The following FLT1 variants were observed in gnomAD, a reference collection of about 807,000 sequenced individuals.
FLT1 encodes fms related receptor tyrosine kinase 1.
A neutral mutation model predicts 156.3 loss-of-function variants in FLT1; 49 were observed. That is an observed-to-expected ratio of 0.31 (90% CI 0.25 to 0.40). The LOEUF (loss-of-function observed/expected upper bound fraction) is 0.40. Among genes scored for constraint, FLT1 ranks in the 10% least tolerant of loss-of-function variants. The pLI is 1.00. For synonymous variants in FLT1, 594 were observed against 583.8 expected, an observed-to-expected ratio of 1.02 and a Z score of -0.25; for missense variants, 1,322 against 1,637.2, an observed-to-expected ratio of 0.81 and a Z score of 3.32.
At chr13:28,494,530 C>T (rs1032352072) in intron 1 of FLT1, among the ~76,000 whole-genome samples, 14 of 152,190 alleles carry the variant, frequency 9.2e-5, no homozygotes, top group Admixed American at 5.9e-4. Flanking sequence ...ACAGCCCCAG[C>T]GCGGACCCGG....
intron 1 of FLT1, among the ~76,000 whole-genome samples, chr13:28,472,707 C>T (rs1566049223): frequency 6.6e-6 from 1 of 152,116 alleles, no homozygotes; most frequent in Non-Finnish European, 1.5e-5. Flanking sequence ...TCATTAATCT[C>T]CCTAGCTCTG....
At chr13:28,306,502 C>T (rs1354851302) in intron 29 of FLT1, among the ~76,000 whole-genome samples, 176 bp downstream of exon 29, 2 of 152,196 alleles carry the variant, frequency 1.3e-5, no homozygotes, top group East Asian at 1.9e-4. Context: ...TCATATGTCC[C>T]GTTTGATGTT....
intron 13 of FLT1, chr13:28,388,669 T>TA: frequency 9.5e-7 from 1 of 1,056,006 alleles, no homozygotes. Flanking sequence ...TTAATCCCCA[T>TA]AAAAATCCTA....
intron 3 of FLT1, among the ~76,000 whole-genome samples, chr13:28,460,841 C>T (rs1489546480): frequency 2.6e-5 from 4 of 151,456 alleles, no homozygotes; most frequent in Non-Finnish European, 4.4e-5. Context: ...CACGTATGTA[C>T]TTTACATTTA....
intron 1 of FLT1, among the ~76,000 whole-genome samples, chr13:28,484,492 C>G (rs1207472849): frequency 6.6e-6 from 1 of 152,150 alleles, no homozygotes; most frequent in Non-Finnish European, 1.5e-5. Context: ...CCTTTTCTGA[C>G]TAAGTTTTTT....
At position 28,302,135 on chromosome 13, in the gene FLT1, ACTC is replaced by A. The variant is rs56791288; in HGVS notation, c.*1029_*1031del. On this transcript the variant is annotated 3_prime_UTR_variant, in exon 30 of 30. Transcript: ENST00000282397. ...CAGCCCTCGTTTTGATATGGAGAAA[ACTC>A]CTCTCCTCAGGACTGCATTTTCATT... 0.17 allele frequency: 40,208 copies of A among 231,986 alleles called. 5,082 individuals are homozygous for A. Among genetic ancestry groups the A allele is most frequent in the African/African-American group, 0.38 (17,049 of 45,004 alleles). 14.4% of individuals were successfully genotyped at this position (231,986 alleles called of 1,614,324 possible).
At chr13:28,391,350 C>T (rs931671416) in intron 12 of FLT1, among the ~76,000 whole-genome samples, 1 of 152,134 alleles carries the variant, frequency 6.6e-6, no homozygotes, top group Non-Finnish European at 1.5e-5. Context: ...ACAAACCTGC[C>T]TCCCATTCTC....
chr13:28,376,811 G>A (rs61763251), intron 14 of FLT1, among the ~76,000 whole-genome samples: 1 of 152,324 alleles, frequency 6.6e-6, no homozygotes, highest in African/African-American at 2.4e-5. Context: ...ATTTTGGAGA[G>A]CTGCCAGTCC....
chr13:28,448,949 TA>T, intron 3 of FLT1, among the ~76,000 whole-genome samples: 1 of 152,210 alleles, frequency 6.6e-6, no homozygotes, highest in Non-Finnish European at 1.5e-5. Context: ...TCACAAAAAA[TA>T]AAATTTTCCC....
intron 12 of FLT1, among the ~76,000 whole-genome samples, chr13:28,396,254 A>G (rs1165334043): frequency 1.3e-5 from 2 of 152,212 alleles, no homozygotes; most frequent in Non-Finnish European, 2.9e-5. Flanking sequence ...CCGGGCAGTG[A>G]GAAGTTTCCA....
chr13:28,470,836 G>A (rs191651520), intron 1 of FLT1, among the ~76,000 whole-genome samples: 23 of 152,174 alleles, frequency 1.5e-4, no homozygotes, highest in African/African-American at 3.6e-4. Context: ...GATTACAGGC[G>A]CCTGCCACCA....
At chr13:28,304,683 T>G (rs1032661489) in intron 29 of FLT1, among the ~76,000 whole-genome samples, 1 of 152,174 alleles carries the variant, frequency 6.6e-6, no homozygotes, top group Non-Finnish European at 1.5e-5. Context: ...GTTAGCAGTC[T>G]TTCTTCCTCA....
At position 28,404,786 on chromosome 13, in the gene FLT1, G is replaced by A. The variant is rs77330370; in HGVS notation, c.1551+994C>T. Reference sequence around the variant, plus strand: ...TGTAATCTCAGCACTTTGGGAGGCCGAGGCAGGTGGATCACCTGAGGTCAG... The same window carrying A: ...TGTAATCTCAGCACTTTGGGAGGCCAAGGCAGGTGGATCACCTGAGGTCAG... On this transcript the variant is annotated intron_variant, in intron 11 of 29. Transcript: ENST00000282397. Among the ~76,000 whole-genome samples, 209 of 152,208 alleles carry A rather than the reference G, an allele frequency of 1.4e-3. 2 individuals are homozygous for A. In the East Asian group the frequency reaches 0.035, roughly 26 times the overall value.
chr13:28,335,876 T>C (rs1872099532), intron 17 of FLT1, among the ~76,000 whole-genome samples: 1 of 152,266 alleles, frequency 6.6e-6, no homozygotes, highest in Non-Finnish European at 1.5e-5. Flanking sequence ...CAGTGGATCC[T>C]GAAAGTGCTA....
chr13:28,402,825 T>C (rs761063053), intron 11 of FLT1, among the ~76,000 whole-genome samples: 29 of 152,208 alleles, frequency 1.9e-4, no homozygotes, highest in Non-Finnish European at 5.9e-5. Flanking sequence ...AGTCTCACTC[T>C]GTCACCCAGG....
At chr13:28,330,456 G>C (rs1388549067) in intron 18 of FLT1, among the ~76,000 whole-genome samples, 1 of 151,746 alleles carries the variant, frequency 6.6e-6, no homozygotes, top group African/African-American at 2.4e-5. Flanking sequence ...TCAACAATAT[G>C]AGTTGGAATA....
At chr13:28,445,394 T>A (rs1462139183) in intron 3 of FLT1, among the ~76,000 whole-genome samples, 1 of 152,184 alleles carries the variant, frequency 6.6e-6, no homozygotes, top group Non-Finnish European at 1.5e-5. Context: ...GAGAATCGCT[T>A]GAACCCAGGT....
chr13:28,372,566 G>GTATACATATATA lies in FLT1; in HGVS notation c.2116+12318_2116+12319insTATATATGTATA, dbSNP rs1555232433. Among the ~76,000 whole-genome samples the GTATACATATATA allele has an allele frequency of 2.0e-4, 18 of 91,458 alleles. 1 individual carries two copies. In the South Asian group the frequency reaches 3.5e-3, roughly 18 times the overall value. 60.0% of individuals were successfully genotyped at this position (91,458 alleles called of 152,430 possible). On this transcript the variant is annotated intron_variant, in intron 14 of 29. Transcript: ENST00000282397. The stretch of plus-strand genomic sequence containing the variant: ...CATATATTCCTCGTTTAAATAAAAT[G>GTATACATATATA]TATATATATATATATATATATATAT...
At chr13:28,438,441 A>G in intron 3 of FLT1, 96 bp from the exon 4 acceptor site, 1 of 923,050 alleles carries the variant, frequency 1.1e-6, no homozygotes, top group Admixed American at 1.9e-5. Context: ...GCATTGCCAC[A>G]GTCACGTCAT....
Sources: allele counts gnomAD v4.1 joint callset (sites outside exome capture counted in the v4.1 genomes callset), GRCh38; gene constraint gnomAD v4.1.1; transcripts MANE v1.5; gene names NCBI Gene and HGNC (gene_info 2026-07-23, HGNC 2026-07-21).